Variants in MERTK observed in about 807,000 individuals in gnomAD.
MERTK encodes tyrosine-protein kinase Mer.
In MERTK, 69 loss-of-function variants were observed where a neutral mutation model predicts 99.3. That is an observed-to-expected ratio of 0.70 (90% CI 0.57 to 0.85). The LOEUF is 0.85. MERTK is among the 40% of genes least tolerant of loss of function. The probability of loss-of-function intolerance (pLI) is 0.00; values close to 1 mark genes in which losing one functional copy is unlikely to be tolerated. For synonymous variants in MERTK, 426 were observed against 467.6 expected (o/e 0.91, Z 1.15); for missense variants, 1,125 against 1,249.4 (o/e 0.90, Z 1.50).
intron 18 of MERTK, among the ~76,000 whole-genome samples, chr2:112,025,226 C>T (rs1236430646): frequency 6.6e-6 from 1 of 152,136 alleles, no homozygotes; most frequent in Non-Finnish European, 1.5e-5. Context: ...GCCCATCAAC[C>T]CACACACAGC....
intron 1 of MERTK, among the ~76,000 whole-genome samples, chr2:111,906,950 T>C (rs968200619): frequency 5.9e-5 from 9 of 152,130 alleles, no homozygotes; most frequent in Non-Finnish European, 7.3e-5. Flanking sequence ...GGCAGAACAC[T>C]GATTCCATCT....
At chr2:112,020,603 G>GC (rs1358638488) in intron 16 of MERTK, 1 of 470,884 alleles carries the variant, frequency 2.1e-6, no homozygotes, top group South Asian at 1.5e-5. Flanking sequence ...AATTCCTCAA[G>GC]CACCCACCTG....
chr2:111,987,916 CAAA>C (rs1676519884), intron 8 of MERTK, among the ~76,000 whole-genome samples: 2 of 151,332 alleles, frequency 1.3e-5, no homozygotes, highest in Non-Finnish European at 1.5e-5. Flanking sequence ...TCTTCGTTTT[CAAA>C]GGTATAGATC....
At chr2:111,997,878 G>C (rs1676785334) in intron 10 of MERTK, among the ~76,000 whole-genome samples, 1 of 152,196 alleles carries the variant, frequency 6.6e-6, no homozygotes. Context: ...ATGGCAAAAT[G>C]TCATCTCTAC....
At chr2:111,919,471 TG>T (rs1684414217) in intron 1 of MERTK, among the ~76,000 whole-genome samples, 1 of 152,064 alleles carries the variant, frequency 6.6e-6, no homozygotes. Context: ...GATGTTCCGC[TG>T]GGTTTGACAG....
rs761792381 is a variant in MERTK, at chr2:111,975,485, G to T, written c.1144+13G>T. On this transcript the variant is annotated intron_variant, in intron 7 of 18. Transcript: ENST00000295408. ...ACGACTGAAGGAGGTAATTCCTGGG[G>T]TTCAGAATGTATATTGCCCCCAATG... 1.9e-6 allele frequency: 3 copies of T among 1,613,198 alleles called. No individual in the cohort carries two copies. The highest frequency in any genetic ancestry group is 1.7e-6 in the Non-Finnish European group (2 of 1,179,250).
intron 12 of MERTK, chr2:112,003,399 A>G: frequency 2.3e-6 from 1 of 435,616 alleles, no homozygotes; most frequent in South Asian, 2.9e-5. Context: ...CCTAGCACAT[A>G]CAGGTCCTTG....
intron 1 of MERTK, among the ~76,000 whole-genome samples, chr2:111,902,287 T>C (rs891336480): frequency 1.3e-5 from 2 of 152,216 alleles, no homozygotes; most frequent in Non-Finnish European, 2.9e-5. Flanking sequence ...GGTTCAATCT[T>C]TTTATGCCTG....
intron 8 of MERTK, among the ~76,000 whole-genome samples, chr2:111,990,138 A>C (rs966969868): frequency 2.0e-5 from 3 of 152,150 alleles, no homozygotes; most frequent in African/African-American, 7.2e-5. Flanking sequence ...ATCAGACTTA[A>C]ATACTTGGGG....
At chr2:111,987,187 T>C (rs1290789684) in intron 8 of MERTK, among the ~76,000 whole-genome samples, 1 of 152,212 alleles carries the variant, frequency 6.6e-6, no homozygotes, top group Non-Finnish European at 1.5e-5. Flanking sequence ...GGTGGGGTTT[T>C]TCATGTGCAT....
intron 3 of MERTK, among the ~76,000 whole-genome samples, chr2:111,946,949 A>G (rs1416957049): frequency 1.3e-5 from 2 of 152,166 alleles, no homozygotes; most frequent in African/African-American, 4.8e-5. Flanking sequence ...ACTGATTAAT[A>G]CAGACCTGCC....
At chr2:111,915,607 T>TA (rs1171731795) in intron 1 of MERTK, among the ~76,000 whole-genome samples, 1 of 152,084 alleles carries the variant, frequency 6.6e-6, no homozygotes, top group Non-Finnish European at 1.5e-5. Context: ...ACCCATGGAC[T>TA]ATTTAGAAGT....
At chr2:111,940,386 T>G in intron 2 of MERTK, 1 of 527,054 alleles carries the variant, frequency 1.9e-6, no homozygotes. Context: ...CATTAATTTT[T>G]GTCTGTAGCT....
rs542431439 is a variant in MERTK at position 111,951,419 on chromosome 2, T to G, written c.757+3852T>G. On this transcript the variant is annotated intron_variant, in intron 4 of 18. Transcript: ENST00000295408. Reference sequence around the variant, plus strand: ...AAGTGAGACCATGCAGTAGTTTTTCTTTTCTTTGTCTGGTTTATTCACTTA... The same window carrying G: ...AAGTGAGACCATGCAGTAGTTTTTCGTTTCTTTGTCTGGTTTATTCACTTA... Among the ~76,000 whole-genome samples, 3 of 151,438 alleles carry G rather than the reference T, an allele frequency of 2.0e-5. No individual in the cohort carries two copies. In the South Asian group the frequency reaches 6.3e-4, roughly 32 times the overall value.
rs190522552 is a variant in MERTK at position 111,953,155 on chromosome 2, A to G, written c.757+5588A>G. On this transcript the variant is annotated intron_variant, in intron 4 of 18. Transcript: ENST00000295408. ...GGTGTGCATGATGAATTCACTCTCC[A>G]TCAGGGGCCATCGGGTACCAAAAAC... 2.6e-5 allele frequency among the ~76,000 whole-genome samples: 4 copies of G among 152,298 alleles called. No individual in the cohort carries two copies. In the East Asian group the frequency reaches 7.7e-4, roughly 29 times the overall value.
Position 112,028,807 on chromosome 2 carries a change from GC to G in MERTK, c.2946del (p.Asp983MetfsTer16). On this transcript the variant is annotated frameshift_variant, in exon 19 of 19. Transcript: ENST00000295408. LOFTEE classifies it high-confidence loss of function. ...SSMLPLGSSL[P>X]DELLFADDSS... ...GCATGCTGCCCTTGGGAAGCTCATT[GC>G]CCGATGAACTTTTGTTTGCTGACGA... 1 of 1,614,074 alleles carries G rather than the reference GC, an allele frequency of 6.2e-7. No homozygotes were observed. The highest frequency in any genetic ancestry group is 8.5e-7 in the Non-Finnish European group (1 of 1,180,028).
At chr2:112,006,011 GCTGGGATTACAGGCATGCACCA>G (rs1166828998) in intron 13 of MERTK, among the ~76,000 whole-genome samples, 1 of 152,104 alleles carries the variant, frequency 6.6e-6, no homozygotes, top group Non-Finnish European at 1.5e-5. Context: ...CTCCTGAGTA[GCTGGGATTACAGGCATGCACCA>G]CCATGCCTGG....
At position 112,028,971 on chromosome 2, in the gene MERTK, C is replaced by T. The variant is rs1677526854; in HGVS notation, c.*107C>T. The T allele has an allele frequency of 5.0e-6, 8 of 1,595,456 alleles. No homozygotes were observed. Among genetic ancestry groups the T allele is most frequent in the Non-Finnish European group, 6.0e-6 (7 of 1,171,338 alleles). ...ATTTGTCTTCCTTACCAAGTGAACT[C>T]CATGGCCCCAAAGCACCAGATGAAT... is the stretch of plus-strand genomic sequence containing the variant. On this transcript the variant is annotated 3_prime_UTR_variant, in exon 19 of 19. Transcript: ENST00000295408.
chr2:112,021,756 T>A (rs976593682), intron 17 of MERTK, among the ~76,000 whole-genome samples, 175 bp downstream of exon 17: 1 of 152,206 alleles, frequency 6.6e-6, no homozygotes, highest in Non-Finnish European at 1.5e-5. Flanking sequence ...AGTGGAACAG[T>A]AGATTCTGAT....
Sources: gnomAD v4.1 joint callset for allele counts (sites outside exome capture counted in the v4.1 genomes callset) on GRCh38, gnomAD v4.1.1 for gene constraint, MANE v1.5 for transcripts, NCBI Gene and HGNC (gene_info 2026-07-23, HGNC 2026-07-21) for gene names.